REPS2: variants seen among roughly 807,000 people sequenced by gnomAD.
REPS2 encodes RALBP1 associated Eps domain containing 2.
In REPS2, 23 loss-of-function variants were observed where a neutral mutation model predicts 53.6. The ratio of observed to expected loss-of-function variants is 0.43; its 90% CI spans 0.31 to 0.61. The LOEUF (loss-of-function observed/expected upper bound fraction) is 0.61. Ranked by LOEUF, REPS2 falls within the 20% of genes least tolerant of loss-of-function variation. REPS2 has a pLI of 0.11. For synonymous variants in REPS2, 238 were observed against 218.6 expected, an observed-to-expected ratio of 1.09 and a Z score of -0.78; for missense variants, 446 against 534.9, an observed-to-expected ratio of 0.83 and a Z score of 1.64.
At chrX:17,162,253 G>C in the REPS2 span, among the ~76,000 whole-genome samples, 2 of 112,522 alleles carry the variant, frequency 1.8e-5, no homozygotes, top group Non-Finnish European at 3.8e-5. Flanking sequence ...CTCATCCAGT[G>C]TGAACTGCCT....
intron 1 of REPS2, among the ~76,000 whole-genome samples, chrX:16,996,633 A>G (rs1490989838): frequency 8.9e-6 from 1 of 112,304 alleles, no homozygotes; most frequent in Non-Finnish European, 1.9e-5. Context: ...CCCACCAACA[A>G]TGGATGTTTA....
the REPS2 span, among the ~76,000 whole-genome samples, chrX:17,173,173 G>T: frequency 8.9e-6 from 1 of 112,035 alleles, no homozygotes; most frequent in Non-Finnish European, 1.9e-5. Context: ...CATGAATCAG[G>T]AGTTCAGGCA....
chrX:17,017,013 C>CT (rs1387981435), intron 2 of REPS2, among the ~76,000 whole-genome samples: 1 of 111,449 alleles, frequency 9.0e-6, no homozygotes, highest in Non-Finnish European at 1.9e-5. Context: ...GCTCTGTCAC[C>CT]TAGACTGGAG....
the REPS2 span, among the ~76,000 whole-genome samples, chrX:17,195,790 G>T: frequency 8.9e-6 from 1 of 112,189 alleles, no homozygotes; most frequent in Non-Finnish European, 1.9e-5. Context: ...TAAAGATTTT[G>T]CCCTCTGGCT....
At chrX:17,084,714 C>A (rs765161702) in intron 13 of REPS2, among the ~76,000 whole-genome samples, 7 of 112,035 alleles carry the variant, frequency 6.2e-5, no homozygotes, top group Non-Finnish European at 7.5e-5. Context: ...TGTTCAGAAT[C>A]TTTGCTCATT....
chrX:17,173,659 T>A, the REPS2 span, among the ~76,000 whole-genome samples: 1 of 112,167 alleles, frequency 8.9e-6, no homozygotes, highest in African/African-American at 3.2e-5. Context: ...CCACTTAGAA[T>A]TGAGCCACAC....
intron 14 of REPS2, among the ~76,000 whole-genome samples, chrX:17,121,734 C>G (rs945712915): frequency 6.4e-5 from 7 of 109,620 alleles, no homozygotes; most frequent in African/African-American, 2.3e-4. Context: ...TTTTTTGAGA[C>G]GGAGTCTCAC....
intron 14 of REPS2, among the ~76,000 whole-genome samples, chrX:17,129,967 C>T (rs905648279): frequency 9.8e-5 from 11 of 111,833 alleles, no homozygotes; most frequent in Non-Finnish European, 1.5e-4. Context: ...ACCTGTGGTC[C>T]CTGCAGGAGG....
rs1465019893 is a variant in REPS2, at chrX:17,152,735, T to A, written c.*5254T>A. 4.5e-5 allele frequency: 5 copies of A among 112,214 alleles called. No individual in the cohort carries two copies. Among genetic ancestry groups the A allele is most frequent in the Non-Finnish European group, 9.4e-5 (5 of 53,202 alleles). The allele number at this position is 112,214 out of a possible 1,213,427, so 9.2% of individuals were successfully genotyped here. A position where few individuals can be genotyped will look rare whatever the true frequency, so the allele number is the denominator to read the frequency against. ...GTTATTTTTGTTTTAAGTCACCTTG[T>A]GCGAGAACCTCAACCGCACCTATCT... On this transcript the variant is annotated 3_prime_UTR_variant, in exon 18 of 18. Transcript: ENST00000357277.
rs770826600 is a variant in REPS2, at chrX:17,052,372, C to T, written c.908-10C>T. ...AATTAATGGTTTATTTAAACAATGG[C>T]ACTTGACAGGTTCTGTGGCCAAGAA... On this transcript the variant is annotated splice_polypyrimidine_tract_variant and intron_variant, in intron 6 of 17. Coordinates refer to ENST00000357277, the MANE Select transcript of REPS2 (RefSeq NM_004726.3). The T allele has an allele frequency of 8.3e-7, 1 of 1,199,744 alleles. No homozygotes were observed. The highest frequency in any genetic ancestry group is 1.1e-6 in the Non-Finnish European group (1 of 887,295).
the REPS2 span, among the ~76,000 whole-genome samples, chrX:17,186,674 T>C: frequency 8.9e-6 from 1 of 112,294 alleles, no homozygotes; most frequent in African/African-American, 3.2e-5. Context: ...AATAAAGTTA[T>C]TGTGTCCGTT....
At position 17,113,210 on chromosome X, in the gene REPS2, A is replaced by C. The variant is rs143254274; in HGVS notation, c.1578+9431A>C. Among the ~76,000 whole-genome samples, 110 of 101,325 alleles carry C rather than the reference A, an allele frequency of 1.1e-3. 1 individual carries two copies. The highest frequency in any genetic ancestry group is 3.9e-3 in the African/African-American group (108 of 27,611). The allele number at this position is 101,325 out of a possible 115,157, so 88.0% of individuals were successfully genotyped here. ...AGATAAACAAAATAGAGAACAGAAA[A>C]ACAACAGAGAAAATAGTTGAAAAGT... On this transcript the variant is annotated intron_variant, in intron 14 of 17. Transcript: ENST00000357277.
chrX:17,157,306 G>T (rs969625648), downstream of REPS2, among the ~76,000 whole-genome samples: 33 of 111,726 alleles, frequency 3.0e-4, no homozygotes, highest in African/African-American at 1.1e-3. Context: ...CTCTCTCAAA[G>T]TGTTCTTCCT....
At chrX:16,952,469 A>G (rs1187917517) in intron 1 of REPS2, among the ~76,000 whole-genome samples, 2 of 112,216 alleles carry the variant, frequency 1.8e-5, no homozygotes, top group Non-Finnish European at 3.8e-5. Context: ...ATCAAGGGAA[A>G]TCACTGAATG....
chrX:17,041,600 G>C (rs1260832454), intron 5 of REPS2, among the ~76,000 whole-genome samples: 1 of 111,659 alleles, frequency 9.0e-6, no homozygotes, highest in East Asian at 2.8e-4. Context: ...AAATATTTTT[G>C]GCGGAGGAGG....
At chrX:17,166,078 G>A in the REPS2 span, among the ~76,000 whole-genome samples, 5 of 111,351 alleles carry the variant, frequency 4.5e-5, no homozygotes, top group Non-Finnish European at 9.4e-5. Context: ...ACAAGAGGGA[G>A]GCTAAAGAAT....
chrX:16,963,598 T>C (rs2060693168), intron 1 of REPS2, among the ~76,000 whole-genome samples: 1 of 112,487 alleles, frequency 8.9e-6, no homozygotes, highest in Admixed American at 9.4e-5. Flanking sequence ...GCAGTGGTGC[T>C]CTGTTTAATT....
intron 14 of REPS2, among the ~76,000 whole-genome samples, chrX:17,124,602 C>G (rs2063182900): frequency 9.0e-6 from 1 of 110,811 alleles, no homozygotes; most frequent in African/African-American, 3.3e-5. Context: ...AGATGGGGGA[C>G]AGGTGAAAAC....
chrX:17,075,836 T>C (rs1015961737), intron 12 of REPS2, among the ~76,000 whole-genome samples: 7 of 112,672 alleles, frequency 6.2e-5, no homozygotes, highest in Admixed American at 9.4e-5. Flanking sequence ...ACTAAAGCTA[T>C]ATGTGGCATA....
Sources: gnomAD v4.1 joint callset for allele counts (sites outside exome capture counted in the v4.1 genomes callset) on GRCh38, gnomAD v4.1.1 for gene constraint, MANE v1.5 for transcripts, NCBI Gene and HGNC (gene_info 2026-07-23, HGNC 2026-07-21) for gene names.